TRAM2: variants seen among roughly 807,000 people sequenced by gnomAD.
TRAM2 encodes the protein translocating chain-associated membrane protein 2.
In TRAM2, 12 loss-of-function variants were observed where a neutral mutation model predicts 51.0. The ratio of observed to expected loss-of-function variants is 0.24; its 90% CI spans 0.15 to 0.38. The LOEUF (loss-of-function observed/expected upper bound fraction) is 0.38. Ranked by LOEUF, TRAM2 falls within the 10% of genes least tolerant of loss-of-function variation. The pLI is 1.00. For missense variants in TRAM2, 361 were observed against 462.0 expected, an observed-to-expected ratio of 0.78 and a Z score of 2.00; for synonymous variants, 175 against 179.4, an observed-to-expected ratio of 0.98 and a Z score of 0.20.
chr6:52,542,114 G>A (rs928801035), intron 1 of TRAM2, among the ~76,000 whole-genome samples: 2 of 152,048 alleles, frequency 1.3e-5, no homozygotes, highest in African/African-American at 2.4e-5. Context: ...CTCCCAGCTC[G>A]GCCTGTTTTT....
chr6:52,557,158 A>C (rs1396929614), intron 1 of TRAM2, among the ~76,000 whole-genome samples: 1 of 141,862 alleles, frequency 7.0e-6, no homozygotes, highest in African/African-American at 2.5e-5. Context: ...ACACCGTTGC[A>C]CTCCAGCCTG....
At chr6:52,558,961 C>T (rs1347415320) in intron 1 of TRAM2, among the ~76,000 whole-genome samples, 4 of 151,902 alleles carry the variant, frequency 2.6e-5, no homozygotes, top group Admixed American at 2.6e-4. Flanking sequence ...TATTTATTAA[C>T]AGAGAGAGAG....
At chr6:52,534,296 G>A (rs967715972) in intron 2 of TRAM2, among the ~76,000 whole-genome samples, 7 of 149,716 alleles carry the variant, frequency 4.7e-5, no homozygotes, top group Admixed American at 2.7e-4. Flanking sequence ...CGGAAGAATC[G>A]CTTCAACCCG....
chr6:52,525,272 G>T (rs1766756836), intron 2 of TRAM2, among the ~76,000 whole-genome samples: 1 of 152,102 alleles, frequency 6.6e-6, no homozygotes, highest in South Asian at 2.1e-4. Flanking sequence ...AACCCTGAAG[G>T]CCTGCCCCAC....
intron 4 of TRAM2, among the ~76,000 whole-genome samples, chr6:52,514,777 C>T (rs1766513918): frequency 6.6e-6 from 1 of 152,200 alleles, no homozygotes; most frequent in Non-Finnish European, 1.5e-5. Flanking sequence ...CAGCTTAGGC[C>T]TCCGGGGGTG....
Position 52,576,869 on chromosome 6 carries a change from T to G in TRAM2, c.47A>C (p.Glu16Ala). The G allele has an allele frequency of 6.2e-7, 1 of 1,613,746 alleles. No individual in the cohort carries two copies. The highest frequency in any genetic ancestry group is 2.2e-5 in the East Asian group (1 of 44,838). Residue 16 changes from glutamate to alanine, a missense_variant, in exon 1 of 11, where the codon GAG becomes GCG. Glu to Ala is a moderately radical substitution (Grantham distance 107). Transcript: ENST00000182527. ...RTKSYPLFSQEFVIHNHADIG... is the reference protein window; with the variant it reads ...RTKSYPLFSQAFVIHNHADIG... The stretch of plus-strand genomic sequence containing the variant: ...GTCCGCATGGTTGTGGATGACGAAC[T>G]CCTGGCTGAAGAGCGGGTAACTTTT...
intron 1 of TRAM2, among the ~76,000 whole-genome samples, chr6:52,540,024 T>C (rs1767049544): frequency 6.6e-6 from 1 of 151,742 alleles, no homozygotes; most frequent in Non-Finnish European, 1.5e-5. Context: ...AAATACTAGA[T>C]CCCAGTATTT....
At chr6:52,553,879 C>T (rs959615875) in intron 1 of TRAM2, among the ~76,000 whole-genome samples, 5 of 152,300 alleles carry the variant, frequency 3.3e-5, no homozygotes, top group African/African-American at 9.6e-5. Context: ...CATTCTTCCT[C>T]TTGTTTTTTA....
intron 1 of TRAM2, among the ~76,000 whole-genome samples, chr6:52,559,443 T>G (rs910791519): frequency 4.6e-5 from 7 of 152,184 alleles, no homozygotes; most frequent in Non-Finnish European, 7.3e-5. Flanking sequence ...GCTCTGGCAT[T>G]GATGAGCAAC....
chr6:52,538,315 C>T (rs1767010169), intron 1 of TRAM2, among the ~76,000 whole-genome samples: 1 of 152,192 alleles, frequency 6.6e-6, no homozygotes, highest in Non-Finnish European at 1.5e-5. Context: ...CATCCATTCT[C>T]CTCTCTTAAT....
At chr6:52,534,199 T>C (rs535280254) in intron 2 of TRAM2, among the ~76,000 whole-genome samples, 2 of 150,296 alleles carry the variant, frequency 1.3e-5, no homozygotes, top group East Asian at 3.9e-4. Context: ...CTGACCAAAA[T>C]GGAGAAACCC....
At chr6:52,553,188 C>T (rs1767341382) in intron 1 of TRAM2, among the ~76,000 whole-genome samples, 1 of 152,194 alleles carries the variant, frequency 6.6e-6, no homozygotes, top group African/African-American at 2.4e-5. Context: ...CTCCCTGCCT[C>T]TCCACATTTG....
chr6:52,565,833 G>A (rs986264478), intron 1 of TRAM2, among the ~76,000 whole-genome samples: 4 of 152,136 alleles, frequency 2.6e-5, no homozygotes, highest in African/African-American at 4.8e-5. Flanking sequence ...CACTGAACAC[G>A]CCACGTCCCT....
rs777439737 is a variant in TRAM2 at position 52,576,955 on chromosome 6, C to T, written c.-40G>A. ...AGCGGCCGGCGGGGCCCGCACCCTG[C>T]GCTCACGAACCGCAGCGCAAACTTC... On this transcript the variant is annotated 5_prime_UTR_variant, in exon 1 of 11. Coordinates refer to ENST00000182527, the MANE Select transcript of TRAM2 (RefSeq NM_012288.4). 6 of 1,566,830 alleles carry T rather than the reference C, an allele frequency of 3.8e-6. No homozygotes were observed. In the Admixed American group the frequency reaches 1.1e-4, roughly 29 times the overall value.
At chr6:52,504,120 C>T (rs1205000256) in intron 10 of TRAM2, among the ~76,000 whole-genome samples, 2 of 152,226 alleles carry the variant, frequency 1.3e-5, no homozygotes, top group Non-Finnish European at 2.9e-5. Flanking sequence ...CCCCTACCCC[C>T]CACCTAGCAC....
chr6:52,505,931 C>T (rs572188226), intron 8 of TRAM2, 101 bp downstream of exon 8: 15 of 1,425,090 alleles, frequency 1.1e-5, no homozygotes, highest in African/African-American at 5.7e-5. Flanking sequence ...TGCAGGTAAG[C>T]GGGCAGTGTG....
intron 4 of TRAM2, chr6:52,515,758 T>C (rs1475671740): frequency 4.3e-6 from 2 of 466,302 alleles, no homozygotes; most frequent in Non-Finnish European, 7.8e-6. Context: ...ATAATGATTA[T>C]AACAAGTGGT....
intron 1 of TRAM2, among the ~76,000 whole-genome samples, chr6:52,542,570 G>T (rs559042963): frequency 1.3e-5 from 2 of 152,188 alleles, no homozygotes; most frequent in African/African-American, 4.8e-5. Flanking sequence ...AGAGATTCTG[G>T]TTTTTCACCT....
chr6:52,558,283 C>T (rs981964331), intron 1 of TRAM2, among the ~76,000 whole-genome samples: 3 of 152,152 alleles, frequency 2.0e-5, no homozygotes, highest in Admixed American at 6.5e-5. Flanking sequence ...CCCGGGAGCA[C>T]CAGGTGGGAG....
Sources: gnomAD v4.1 joint callset for allele counts (sites outside exome capture counted in the v4.1 genomes callset) on GRCh38, gnomAD v4.1.1 for gene constraint, MANE v1.5 for transcripts, NCBI Gene and HGNC (gene_info 2026-07-23, HGNC 2026-07-21) for gene names.